Variants in COL4A4 observed in about 807,000 individuals in gnomAD.
The protein encoded by COL4A4 is collagen type IV alpha 4 chain.
COL4A4 carries 105 observed loss-of-function variants against 192.9 expected under a neutral mutation model. That is an observed-to-expected ratio of 0.54 (90% CI 0.46 to 0.64). COL4A4 has a LOEUF of 0.64. Ranked by LOEUF, COL4A4 falls within the 30% of genes least tolerant of loss-of-function variation. COL4A4 has a pLI of 0.00. For missense variants in COL4A4, 1,967 were observed against 2,169.3 expected (o/e 0.91, Z 1.85); for synonymous variants, 762 against 769.9 (o/e 0.99, Z 0.17).
At chr2:227,062,943 T>G (rs1017987791) in intron 25 of COL4A4, among the ~76,000 whole-genome samples, 3 of 152,194 alleles carry the variant, frequency 2.0e-5, no homozygotes, top group Admixed American at 6.5e-5. Flanking sequence ...AATAATGTAA[T>G]GGAGATCTAT....
chr2:227,163,917 A>G (rs2065070349), intron 1 of COL4A4, 90 bp downstream of exon 1: 1 of 151,988 alleles, frequency 6.6e-6, no homozygotes, highest in Admixed American at 6.6e-5. Flanking sequence ...GCCCGCCACC[A>G]CCCCTTGAAT....
Position 227,070,274 on chromosome 2 carries a change from C to G in COL4A4, c.1987+7620G>C, listed in dbSNP as rs1402531492. Reference sequence around the variant, plus strand: ...GAACACTTTTACACTGTTGGTGGGACTGTAAACTAGTTCAACCATTGTGGA... The same window carrying G: ...GAACACTTTTACACTGTTGGTGGGAGTGTAAACTAGTTCAACCATTGTGGA... On this transcript the variant is annotated intron_variant, in intron 25 of 47. Transcript: ENST00000396625. Among the ~76,000 whole-genome samples, 9 of 151,958 alleles carry G rather than the reference C, an allele frequency of 5.9e-5. No individual in the cohort carries two copies. In the South Asian group the frequency reaches 1.0e-3, roughly 18 times the overall value.
At chr2:227,093,645 G>C (rs1213473969) in intron 20 of COL4A4, among the ~76,000 whole-genome samples, 2 of 151,816 alleles carry the variant, frequency 1.3e-5, no homozygotes, top group Admixed American at 1.3e-4. Flanking sequence ...AAAAACCCTA[G>C]CCTCCAAATT....
chr2:227,037,005 CTT>C (rs1310157199), intron 37 of COL4A4, among the ~76,000 whole-genome samples: 1 of 152,090 alleles, frequency 6.6e-6, no homozygotes, highest in Non-Finnish European at 1.5e-5. Context: ...TTATTTCAAT[CTT>C]ATATTACTTT....
chr2:226,975,190 A>G, the COL4A4 span, among the ~76,000 whole-genome samples: 3 of 152,218 alleles, frequency 2.0e-5, no homozygotes, highest in Admixed American at 2.0e-4. Context: ...ATGAGAATAA[A>G]GAGAAACTCT....
At chr2:227,125,437 G>A (rs1341969456) in intron 4 of COL4A4, among the ~76,000 whole-genome samples, 1 of 151,764 alleles carries the variant, frequency 6.6e-6, no homozygotes, top group Non-Finnish European at 1.5e-5. Context: ...TCGAACTCCT[G>A]ACCTCAAGTG....
the COL4A4 span, among the ~76,000 whole-genome samples, chr2:226,993,739 T>TA: frequency 6.6e-6 from 1 of 152,136 alleles, no homozygotes; most frequent in African/African-American, 2.4e-5. Context: ...AGCAAAAATA[T>TA]AAAAAAGGGG....
the COL4A4 span, chr2:226,988,540 C>T: frequency 2.1e-6 from 3 of 1,448,798 alleles, no homozygotes; most frequent in Admixed American, 8.1e-5. Flanking sequence ...CTGTGCCAGG[C>T]TGGCCCTCTC....
downstream of COL4A4, chr2:226,997,815 CACA>C (rs1344903738): frequency 6.6e-6 from 1 of 152,110 alleles, no homozygotes; most frequent in East Asian, 1.9e-4. Context: ...ATTACTTTAG[CACA>C]ACAATAAAGA....
chr2:227,044,655 T>G (rs1401187556), intron 35 of COL4A4, among the ~76,000 whole-genome samples: 1 of 152,100 alleles, frequency 6.6e-6, no homozygotes, highest in Non-Finnish European at 1.5e-5. Flanking sequence ...TGTGGGGTTG[T>G]GTTAAGAACA....
the COL4A4 span, among the ~76,000 whole-genome samples, chr2:226,993,108 C>T: frequency 6.6e-6 from 1 of 152,304 alleles, no homozygotes; most frequent in Non-Finnish European, 1.5e-5. Flanking sequence ...GCTGGCTGCT[C>T]CTTTTGAGAG....
At chr2:226,981,271 C>T in the COL4A4 span, among the ~76,000 whole-genome samples, 1 of 151,976 alleles carries the variant, frequency 6.6e-6, no homozygotes, top group African/African-American at 2.4e-5. Context: ...ATGTAAATGC[C>T]GAGTTGATGG....
downstream of COL4A4, among the ~76,000 whole-genome samples, chr2:227,002,097 G>A (rs1054499114): frequency 1.1e-4 from 17 of 148,162 alleles, no homozygotes; most frequent in Non-Finnish European, 1.9e-4. Context: ...TCGAGCCTGC[G>A]AGTTCAAGGC....
chr2:227,094,217 CCAG>C lies in COL4A4; in HGVS notation c.1274_1276del (p.Pro425_Gly426delinsArg). 6.2e-7 allele frequency: 1 copy of C among 1,613,776 alleles called. No individual in the cohort carries two copies. The highest frequency in any genetic ancestry group is 8.5e-7 in the Non-Finnish European group (1 of 1,179,896). ...TTTTCCTGGAGCAGAATCAGGTCTCCCAGGAATACCAGCTTCTCCTGGAAGCCC... is the reference window on the plus strand; with the variant it reads ...TTTTCCTGGAGCAGAATCAGGTCTCCGAATACCAGCTTCTCCTGGAAGCCC... On this transcript the variant is annotated inframe_deletion, in exon 20 of 48. Transcript: ENST00000396625.
rs2149977933 is a variant in COL4A4 at position 227,031,985 on chromosome 2, T to G, written c.3777A>C (p.Pro1259=). 3.7e-6 allele frequency: 6 copies of G among 1,613,848 alleles called. No homozygotes were observed. In the Middle Eastern group the frequency reaches 4.9e-4, roughly 133 times the overall value. Reference sequence around the variant, plus strand: ...GACCAGGAGGTCCCTGATCTCCAGGTGGACCCGGGTCAGGAATGTCCTTAG... The same window carrying G: ...GACCAGGAGGTCCCTGATCTCCAGGGGGACCCGGGTCAGGAATGTCCTTAG... ...RAPKDIPDPG[P]PGDQGPPGPD... The change falls in exon 40 of 48, where the codon CCA becomes CCC. Residue 1259 remains proline (P), a synonymous_variant. Coordinates refer to ENST00000396625, the MANE Select transcript of COL4A4 (RefSeq NM_000092.5).
At chr2:227,002,120 T>G (rs566116790), downstream of COL4A4, among the ~76,000 whole-genome samples, 6 of 135,886 alleles carry the variant, frequency 4.4e-5, no homozygotes, top group Non-Finnish European at 9.0e-5. Context: ...CAGTGAGCCA[T>G]GATTGTACCA....
At chr2:227,104,292 C>T (rs1010182802) in intron 12 of COL4A4, 10 of 440,596 alleles carry the variant, frequency 2.3e-5, no homozygotes, top group Non-Finnish European at 3.7e-5. Context: ...TATCCAGGGC[C>T]AGGCGCGGTG....
Position 227,083,885 on chromosome 2 carries a change from A to G in COL4A4, c.1624-1698T>C, listed in dbSNP as rs543398068. On this transcript the variant is annotated intron_variant, in intron 22 of 47. Coordinates refer to ENST00000396625, the MANE Select transcript of COL4A4 (RefSeq NM_000092.5). Reference sequence around the variant, plus strand: ...TGGAGATGGGCACAGTGGCATCAGCAATCATCAGGCAGTAACAGTGAAGAG... The same window carrying G: ...TGGAGATGGGCACAGTGGCATCAGCGATCATCAGGCAGTAACAGTGAAGAG... Among the ~76,000 whole-genome samples, 8 of 152,344 alleles carry G rather than the reference A, an allele frequency of 5.3e-5. No individual in the cohort carries two copies. In the South Asian group the frequency reaches 1.2e-3, roughly 24 times the overall value.
intron 29 of COL4A4, 37 bp from the exon 30 acceptor site, chr2:227,056,152 T>C: frequency 1.3e-6 from 2 of 1,580,834 alleles, no homozygotes; most frequent in Admixed American, 1.7e-5. Flanking sequence ...GTGTGAAGGC[T>C]GAACACTGGC....
Sources: gnomAD v4.1 joint callset for allele counts (sites outside exome capture counted in the v4.1 genomes callset) on GRCh38, gnomAD v4.1.1 for gene constraint, MANE v1.5 for transcripts, NCBI Gene and HGNC (gene_info 2026-07-23, HGNC 2026-07-21) for gene names.